The following ANKS1B variants were observed in gnomAD, a reference collection of about 807,000 sequenced individuals.
ANKS1B encodes the protein ankyrin repeat and sterile alpha motif domain containing 1B, also known as ankyrin repeat and sterile alpha motif domain-containing protein 1B.
In ANKS1B, 36 loss-of-function variants were observed where a neutral mutation model predicts 148.3. That is an observed-to-expected ratio of 0.24 (90% CI 0.19 to 0.32). ANKS1B has a LOEUF of 0.32. Ranked by LOEUF, ANKS1B falls within the 10% of genes least tolerant of loss-of-function variation. ANKS1B has a pLI of 1.00. For synonymous variants in ANKS1B, 542 were observed against 560.8 expected (o/e 0.97, Z 0.47); for missense variants, 1,157 against 1,542.6 (o/e 0.75, Z 4.19).
chr12:99,784,234 C>T (rs1399238448), intron 4 of ANKS1B, among the ~76,000 whole-genome samples: 1 of 149,014 alleles, frequency 6.7e-6, no homozygotes, highest in East Asian at 2.0e-4. Flanking sequence ...TGCAGTGGCA[C>T]GATCTCAGCT....
rs931996805 is a variant in ANKS1B, at chr12:99,246,932, C to A, written c.1757-68G>T. 6.7e-6 allele frequency: 8 copies of A among 1,201,138 alleles called. No homozygotes were observed. In the African/African-American group the frequency reaches 1.2e-4, roughly 18 times the overall value. 74.4% of individuals were successfully genotyped at this position (1,201,138 alleles called of 1,614,324 possible). The stretch of plus-strand genomic sequence containing the variant: ...GAAAGCCACGATATAATAGCAGTGC[C>A]CTTATGAACATGTGGGCTATCCAAA... On this transcript the variant is annotated intron_variant, in intron 12 of 26. Transcript: ENST00000683438.
intron 12 of ANKS1B, among the ~76,000 whole-genome samples, chr12:99,275,186 C>T (rs1367903969): frequency 6.6e-6 from 1 of 152,146 alleles, no homozygotes. Context: ...TTTATCCATT[C>T]TTTGTTTTAT....
intron 1 of ANKS1B, among the ~76,000 whole-genome samples, chr12:99,976,811 A>C (rs1171866150): frequency 6.6e-6 from 1 of 152,210 alleles, no homozygotes; most frequent in Non-Finnish European, 1.5e-5. Context: ...AGAGTGTCTT[A>C]GTCTATTTTG....
At chr12:99,484,658 C>T (rs1467521300) in intron 10 of ANKS1B, among the ~76,000 whole-genome samples, 4 of 151,270 alleles carry the variant, frequency 2.6e-5, no homozygotes, top group African/African-American at 9.7e-5. Context: ...TTTCATAAAT[C>T]TGGGAGCTCC....
At chr12:99,633,103 T>G (rs1319516024) in intron 9 of ANKS1B, among the ~76,000 whole-genome samples, 1 of 151,590 alleles carries the variant, frequency 6.6e-6, no homozygotes, top group Non-Finnish European at 1.5e-5. Context: ...ATTTTTTATG[T>G]CTGCATAGTA....
At chr12:99,648,500 G>A (rs1173475918) in intron 9 of ANKS1B, 2 of 1,614,094 alleles carry the variant, frequency 1.2e-6, no homozygotes, top group South Asian at 1.1e-5. Context: ...AAAAGAGAAA[G>A]TCCGCCTGCA....
intron 9 of ANKS1B, among the ~76,000 whole-genome samples, chr12:99,556,642 ATTT>A (rs1487842839): frequency 6.6e-6 from 1 of 151,992 alleles, no homozygotes; most frequent in Non-Finnish European, 1.5e-5. Flanking sequence ...GATATGTTTT[ATTT>A]TTGTTCTCCT....
chr12:99,376,792 T>C (rs1482163455), intron 12 of ANKS1B, among the ~76,000 whole-genome samples: 2 of 152,128 alleles, frequency 1.3e-5, no homozygotes, highest in African/African-American at 2.4e-5. Context: ...TTTCAGCAAA[T>C]TAAAGTAAGT....
At chr12:99,338,962 G>A (rs911863163) in intron 12 of ANKS1B, among the ~76,000 whole-genome samples, 5 of 152,146 alleles carry the variant, frequency 3.3e-5, no homozygotes, top group Non-Finnish European at 5.9e-5. Flanking sequence ...AAAGGAAGGA[G>A]TCTCTCTCAG....
intron 8 of ANKS1B, among the ~76,000 whole-genome samples, chr12:99,769,010 T>C (rs1286451554): frequency 8.3e-6 from 1 of 120,540 alleles, no homozygotes; most frequent in African/African-American, 3.1e-5. Flanking sequence ...GAGAAATAAA[T>C]GCTTTTTTTT....
chr12:99,368,411 T>C, intron 12 of ANKS1B, among the ~76,000 whole-genome samples: 1 of 152,122 alleles, frequency 6.6e-6, no homozygotes, highest in Non-Finnish European at 1.5e-5. Context: ...ATAAAATAAT[T>C]AAAAAGTATT....
At chr12:99,773,125 C>A in intron 7 of ANKS1B, 37 bp from the exon 8 acceptor site, 2 of 1,554,288 alleles carry the variant, frequency 1.3e-6, no homozygotes, top group East Asian at 2.3e-5. Context: ...TCAAGAAAGG[C>A]TATTGTTAAA....
chr12:99,674,342 A>G (rs906920905), intron 8 of ANKS1B, among the ~76,000 whole-genome samples: 1 of 151,868 alleles, frequency 6.6e-6, no homozygotes, highest in African/African-American at 2.4e-5. Context: ...TTGTTTAACA[A>G]TAAATACTTT....
intron 12 of ANKS1B, among the ~76,000 whole-genome samples, chr12:99,271,782 T>C (rs1017615141): frequency 2.9e-4 from 43 of 150,748 alleles, no homozygotes; most frequent in Non-Finnish European, 3.0e-5. Context: ...TAGTAGGACC[T>C]GTTGGTGGGG....
chr12:99,101,598 A>G (rs937977907), intron 15 of ANKS1B, among the ~76,000 whole-genome samples: 7 of 151,996 alleles, frequency 4.6e-5, no homozygotes, highest in African/African-American at 1.7e-4. Context: ...GTCTCACTCT[A>G]TTACCCAGGC....
intron 15 of ANKS1B, among the ~76,000 whole-genome samples, chr12:99,127,470 A>C (rs756636539): frequency 9.9e-5 from 15 of 152,174 alleles, no homozygotes; most frequent in Admixed American, 3.3e-4. Context: ...GGGAAAAAAA[A>C]CTTTAGAATC....
At chr12:99,122,352 T>C (rs1278296868) in intron 15 of ANKS1B, among the ~76,000 whole-genome samples, 1 of 152,168 alleles carries the variant, frequency 6.6e-6, no homozygotes, top group African/African-American at 2.4e-5. Context: ...AAACAAAACA[T>C]AAAATTTTAT....
At chr12:99,800,782 T>A (rs2066852757) in intron 4 of ANKS1B, among the ~76,000 whole-genome samples, 2 of 152,050 alleles carry the variant, frequency 1.3e-5, no homozygotes. Context: ...ATATGTCCAG[T>A]AGGGAATTAC....
intron 12 of ANKS1B, among the ~76,000 whole-genome samples, chr12:99,387,813 T>A (rs966040155): frequency 2.1e-4 from 30 of 141,138 alleles, no homozygotes; most frequent in African/African-American, 7.9e-4. Flanking sequence ...TATTTTGTTA[T>A]AACAGCCCGA....
Sources: allele counts gnomAD v4.1 joint callset (sites outside exome capture counted in the v4.1 genomes callset), GRCh38; gene constraint gnomAD v4.1.1; transcripts MANE v1.5; gene names NCBI Gene and HGNC (gene_info 2026-07-23, HGNC 2026-07-21).